CACNA2D3: variants seen among roughly 807,000 people sequenced by gnomAD.
The protein encoded by CACNA2D3 is calcium voltage-gated channel auxiliary subunit alpha2delta 3.
In CACNA2D3, 60 loss-of-function variants were observed where a neutral mutation model predicts 160.6. The observed-to-expected ratio is 0.37, with a 90% CI of 0.30 to 0.46. The LOEUF is 0.46. Among genes scored for constraint, CACNA2D3 ranks in the 20% least tolerant of loss-of-function variants. The pLI, the probability that CACNA2D3 is intolerant of heterozygous loss-of-function variation, is 1.00. For synonymous variants in CACNA2D3, 558 were observed against 492.9 expected (o/e 1.13, Z -1.75); for missense variants, 1,205 against 1,365.0 (o/e 0.88, Z 1.85).
intron 13 of CACNA2D3, among the ~76,000 whole-genome samples, chr3:54,807,377 A>G (rs1393158530): frequency 2.6e-5 from 4 of 152,210 alleles, no homozygotes; most frequent in Non-Finnish European, 5.9e-5. Context: ...AAACAACCCC[A>G]TCAAAAAGTG....
chr3:54,401,004 A>G (rs1699451541), intron 4 of CACNA2D3, among the ~76,000 whole-genome samples: 1 of 152,188 alleles, frequency 6.6e-6, no homozygotes, highest in South Asian at 2.1e-4. Flanking sequence ...ATCAGAAAAA[A>G]AATTCATGAT....
intron 11 of CACNA2D3, among the ~76,000 whole-genome samples, chr3:54,644,395 A>C (rs1200969951): frequency 6.6e-6 from 1 of 152,102 alleles, no homozygotes; most frequent in Non-Finnish European, 1.5e-5. Context: ...TATTCTGGAG[A>C]GTTCCACGAC....
intron 35 of CACNA2D3, among the ~76,000 whole-genome samples, chr3:55,045,613 GC>G (rs1225117786): frequency 6.6e-6 from 1 of 152,106 alleles, no homozygotes; most frequent in East Asian, 1.9e-4. Flanking sequence ...TCTTGAGTGA[GC>G]TTTGGTAGTT....
At chr3:55,058,817 G>C (rs1017359708) in intron 35 of CACNA2D3, among the ~76,000 whole-genome samples, 1 of 152,078 alleles carries the variant, frequency 6.6e-6, no homozygotes, top group African/African-American at 2.4e-5. Context: ...CAAATGGCCT[G>C]GGTTTGAATC....
intron 3 of CACNA2D3, among the ~76,000 whole-genome samples, chr3:54,369,660 G>A (rs144901853): frequency 4.6e-5 from 7 of 152,250 alleles, no homozygotes; most frequent in East Asian, 1.9e-4. Context: ...CCCCAAGGGC[G>A]TGTCGGCCTT....
intron 11 of CACNA2D3, among the ~76,000 whole-genome samples, chr3:54,661,762 C>G (rs1395763059): frequency 6.6e-6 from 1 of 151,946 alleles, no homozygotes; most frequent in Non-Finnish European, 1.5e-5. Flanking sequence ...TGGTAAAAGG[C>G]TGACTTAGCA....
In CACNA2D3 at chr3:54,290,869, C is replaced by T. The variant is rs1031315445; in HGVS notation, c.205-29573C>T. 1.3e-4 allele frequency among the ~76,000 whole-genome samples: 19 copies of T among 150,760 alleles called. No homozygotes were observed. The South Asian group carries it at 2.3e-3, about 18-fold the overall frequency. On this transcript the variant is annotated intron_variant, in intron 2 of 37. Coordinates refer to ENST00000474759, the MANE Select transcript of CACNA2D3 (RefSeq NM_018398.3). The stretch of plus-strand genomic sequence containing the variant: ...GTGGCAATTGAACAATGAGAACACA[C>T]GGACACAGGAAGGGGAACATTCCAC...
intron 2 of CACNA2D3, among the ~76,000 whole-genome samples, chr3:54,287,480 G>A (rs1703063882): frequency 6.6e-6 from 1 of 150,572 alleles, no homozygotes. Flanking sequence ...AATAATGGGA[G>A]ACTTTAACAC....
In CACNA2D3 at chr3:54,462,030, A is replaced by C. The variant is rs1443509236; in HGVS notation, c.382-41462A>C. On this transcript the variant is annotated intron_variant, in intron 4 of 37. Coordinates refer to ENST00000474759, the MANE Select transcript of CACNA2D3 (RefSeq NM_018398.3). ...TCTTTATTTCTGCCTTCATTTCGTT[A>C]TGTACCCTGTAGTCATTCAGGAGCA... Among the ~76,000 whole-genome samples the C allele has an allele frequency of 8.9e-4, 135 of 152,058 alleles. 1 individual carries two copies. The highest frequency in any genetic ancestry group is 4.7e-4 in the Non-Finnish European group (32 of 68,022).
At chr3:54,944,303 T>G (rs1363625446) in intron 27 of CACNA2D3, among the ~76,000 whole-genome samples, 1 of 152,178 alleles carries the variant, frequency 6.6e-6, no homozygotes, top group East Asian at 1.9e-4. Flanking sequence ...TCTTTTTGTT[T>G]TATTATCTGC....
intron 21 of CACNA2D3, among the ~76,000 whole-genome samples, chr3:54,882,352 A>G (rs977221995): frequency 1.3e-5 from 2 of 152,150 alleles, no homozygotes; most frequent in Admixed American, 6.5e-5. Flanking sequence ...TCCTCAATAC[A>G]TGGGCCTGTC....
chr3:54,887,161 C>T (rs1330416021), intron 23 of CACNA2D3, among the ~76,000 whole-genome samples: 1 of 152,116 alleles, frequency 6.6e-6, no homozygotes, highest in African/African-American at 2.4e-5. Flanking sequence ...CGTGGTGGCT[C>T]ATGCCTGTAA....
At chr3:54,614,164 G>A (rs971680279) in intron 9 of CACNA2D3, among the ~76,000 whole-genome samples, 9 of 152,224 alleles carry the variant, frequency 5.9e-5, no homozygotes, top group Admixed American at 2.0e-4. Context: ...TGAGGAAAGG[G>A]AAGGAGAGTC....
intron 17 of CACNA2D3, among the ~76,000 whole-genome samples, chr3:54,852,528 C>A (rs936566579): frequency 6.6e-6 from 1 of 152,064 alleles, no homozygotes; most frequent in Non-Finnish European, 1.5e-5. Context: ...CCACCACCAG[C>A]TCTCCACAGC....
intron 2 of CACNA2D3, among the ~76,000 whole-genome samples, chr3:54,166,890 G>C (rs1240161182): frequency 6.6e-6 from 1 of 152,164 alleles, no homozygotes; most frequent in East Asian, 1.9e-4. Context: ...TAGATTTCAG[G>C]TCATTTTTCC....
rs998558510 is a variant in CACNA2D3 at position 54,626,519 on chromosome 3, A to G, written c.964-1268A>G. The stretch of plus-strand genomic sequence containing the variant: ...GGCGTCTACAACGGCAAGACCTTCA[A>G]CCAGGTGGAGATCAAGCCCGAGATG... On this transcript the variant is annotated intron_variant, in intron 9 of 37. Coordinates refer to ENST00000474759, the MANE Select transcript of CACNA2D3 (RefSeq NM_018398.3). The G allele has an allele frequency of 8.1e-6, 13 of 1,608,470 alleles. No homozygotes were observed. In the East Asian group the frequency reaches 2.7e-4, roughly 33 times the overall value.
At chr3:54,733,961 GA>G (rs1031906029) in intron 11 of CACNA2D3, among the ~76,000 whole-genome samples, 54 of 143,598 alleles carry the variant, frequency 3.8e-4, no homozygotes, top group African/African-American at 8.1e-4. Flanking sequence ...CAGTGAGATT[GA>G]AAAAAAAAAA....
Position 54,885,536 on chromosome 3 carries a change from A to C in CACNA2D3, c.2006A>C (p.Gln669Pro), listed in dbSNP as rs746330604. 1 of 1,613,772 alleles carries C rather than the reference A, an allele frequency of 6.2e-7. No individual in the cohort carries two copies. ...CACCCTGAGCACCGCCATCTGTCTC[A>C]GTTAGAAGCGATTAAGCTCTACCTA... ...DLHPEHRHLS[Q>P]LEAIKLYLKG... The change falls in exon 23 of 38, where the codon CAG becomes CCG. Residue 669 changes from glutamine to proline, a missense_variant. Physicochemically the swap from Gln to Pro is moderately conservative, Grantham distance 76 (BLOSUM62 -1). Coordinates refer to ENST00000474759, the MANE Select transcript of CACNA2D3 (RefSeq NM_018398.3).
intron 3 of CACNA2D3, among the ~76,000 whole-genome samples, chr3:54,351,202 G>A (rs368028236): frequency 2.6e-5 from 4 of 151,538 alleles, no homozygotes; most frequent in Non-Finnish European, 4.4e-5. Context: ...GGCTGGTCTC[G>A]AACTCCTGAC....
Sources: gnomAD v4.1 joint callset for allele counts (sites outside exome capture counted in the v4.1 genomes callset) on GRCh38, gnomAD v4.1.1 for gene constraint, MANE v1.5 for transcripts, NCBI Gene and HGNC (gene_info 2026-07-23, HGNC 2026-07-21) for gene names.